The following HAUS1 variants were observed in gnomAD, a reference collection of about 807,000 sequenced individuals.
HAUS1 encodes the protein HAUS augmin like complex subunit 1.
In HAUS1, 25 loss-of-function variants were observed where a neutral mutation model predicts 38.6. The ratio of observed to expected loss-of-function variants is 0.65; its 90% confidence interval spans 0.47 to 0.91. The LOEUF (loss-of-function observed/expected upper bound fraction) is 0.91, where lower values mean the gene tolerates loss of function less well. Among genes scored for constraint, HAUS1 ranks in the 40% least tolerant of loss-of-function variants. HAUS1 has a pLI of 0.00. For synonymous variants in HAUS1, 109 were observed against 112.9 expected, an observed-to-expected ratio of 0.97 and a Z score of 0.22; for missense variants, 325 against 328.4, an observed-to-expected ratio of 0.99 and a Z score of 0.08.
intron 2 of HAUS1, among the ~76,000 whole-genome samples, chr18:46,106,305 C>T (rs1210634595): frequency 1.3e-5 from 2 of 152,024 alleles, no homozygotes; most frequent in Non-Finnish European, 2.9e-5. Flanking sequence ...ACCGTCTCTA[C>T]TAAAAATACA....
At chr18:46,119,890 A>G in intron 3 of HAUS1, 36 bp from the exon 4 acceptor site, 4 of 1,519,214 alleles carry the variant, frequency 2.6e-6, no homozygotes, top group Non-Finnish European at 3.5e-6. Flanking sequence ...ATTATTGCCC[A>G]TTAAGCCCAT....
At chr18:46,125,551 A>C in intron 7 of HAUS1, among the ~76,000 whole-genome samples, 193 bp from the exon 8 acceptor site, 1 of 142,984 alleles carries the variant, frequency 7.0e-6, no homozygotes, top group East Asian at 1.9e-4. Context: ...TGTCTCAAAA[A>C]AAAAAAAAAA....
chr18:46,111,682 C>A (rs954434376), intron 2 of HAUS1, among the ~76,000 whole-genome samples: 1 of 149,250 alleles, frequency 6.7e-6, no homozygotes, highest in Non-Finnish European at 1.5e-5. Context: ...GGTCTTGAAC[C>A]CCTGACCTCA....
chr18:46,111,088 G>C (rs1316402639), intron 2 of HAUS1, among the ~76,000 whole-genome samples: 1 of 151,832 alleles, frequency 6.6e-6, no homozygotes, highest in African/African-American at 2.4e-5. Context: ...GTGTTAGCCA[G>C]AATGGTCTTG....
rs749023062 is a variant in HAUS1 at position 46,125,714 on chromosome 18, A to G, written c.739-30A>G. 3 of 1,526,932 alleles carry G rather than the reference A, an allele frequency of 2.0e-6. No homozygotes were observed. The South Asian group carries it at 3.5e-5, about 18-fold the overall frequency. 94.6% of individuals were successfully genotyped at this position (1,526,932 alleles called of 1,614,324 possible). A position where few individuals can be genotyped will look rare whatever the true frequency, so the allele number is the denominator to read the frequency against. On this transcript the variant is annotated intron_variant, in intron 7 of 8. Transcript: ENST00000282058. ...CCTTGGGTCTGAATTGAGGCAATAT[A>G]ACCTTTCCTTGTTTTATTTTTTTTT... is the stretch of plus-strand genomic sequence containing the variant.
chr18:46,113,025 TTA>T (rs1330601227), intron 2 of HAUS1, among the ~76,000 whole-genome samples: 12 of 98,598 alleles, frequency 1.2e-4, no homozygotes, highest in African/African-American at 3.9e-4. Flanking sequence ...ATATTCCATA[TTA>T]TATATATAAT....
At chr18:46,118,611 ATGATT>A in intron 3 of HAUS1, 1 of 234,636 alleles carries the variant, frequency 4.3e-6, no homozygotes, top group Non-Finnish European at 8.2e-6. Context: ...AGTAGGCTAA[ATGATT>A]TGGTTGAGCA....
intron 7 of HAUS1, among the ~76,000 whole-genome samples, chr18:46,125,500 T>C (rs182317258): frequency 2.0e-5 from 3 of 151,174 alleles, no homozygotes; most frequent in Admixed American, 6.6e-5. Context: ...TGAGCTGAGA[T>C]TGAGCCACTG....
At position 46,111,774 on chromosome 18, in the gene HAUS1, A is replaced by G. The variant is rs555859918; in HGVS notation, c.205+6406A>G. The stretch of plus-strand genomic sequence containing the variant: ...CACCCAGCTAATTTCTTGTTATATT[A>G]TTTTCACTTCTTTCTCTTTTCTCTC... On this transcript the variant is annotated intron_variant, in intron 2 of 8. Transcript: ENST00000282058. Among the ~76,000 whole-genome samples the G allele has an allele frequency of 1.0e-4, 15 of 148,938 alleles. No individual in the cohort carries two copies. The South Asian group carries it at 3.2e-3, about 32-fold the overall frequency.
At chr18:46,107,912 T>C (rs1406549148) in intron 2 of HAUS1, among the ~76,000 whole-genome samples, 1 of 152,180 alleles carries the variant, frequency 6.6e-6, no homozygotes, top group Non-Finnish European at 1.5e-5. Flanking sequence ...CCTATTTTGC[T>C]CAGGCTGGTC....
intron 2 of HAUS1, among the ~76,000 whole-genome samples, chr18:46,106,468 C>CA (rs1158577669): frequency 0.011 from 1,192 of 105,024 alleles, 4 homozygotes; most frequent in Middle Eastern, 0.041. Context: ...GACTCCGTCT[C>CA]AAAAAAAAAA....
At chr18:46,123,904 T>C (rs1044090812) in intron 6 of HAUS1, among the ~76,000 whole-genome samples, 2 of 152,128 alleles carry the variant, frequency 1.3e-5, no homozygotes, top group East Asian at 1.9e-4. Flanking sequence ...TACATTTTTT[T>C]CCCCTTGTTT....
intron 2 of HAUS1, among the ~76,000 whole-genome samples, chr18:46,108,634 A>G (rs1003038391): frequency 1.3e-5 from 2 of 152,142 alleles, no homozygotes; most frequent in African/African-American, 4.8e-5. Flanking sequence ...CATTGTACCT[A>G]CATTTTCATT....
intron 5 of HAUS1, 43 bp downstream of exon 5, chr18:46,122,633 AT>A: frequency 1.2e-6 from 2 of 1,605,396 alleles, no homozygotes; most frequent in Non-Finnish European, 1.7e-6. Flanking sequence ...CTTCGGCCTG[AT>A]TTTTTACCAT....
intron 8 of HAUS1, chr18:46,126,638 TTTTTG>T (rs1185386955): frequency 6.6e-6 from 1 of 151,664 alleles, no homozygotes; most frequent in African/African-American, 2.4e-5. Flanking sequence ...CTTTTTTTTT[TTTTTG>T]AGACAGAATC....
At chr18:46,110,352 T>TTTTTG (rs1568262619) in intron 2 of HAUS1, among the ~76,000 whole-genome samples, 19 of 135,310 alleles carry the variant, frequency 1.4e-4, no homozygotes, top group African/African-American at 4.6e-4. Flanking sequence ...TTTTTTTTTT[T>TTTTTG]TTTTTTTTTT....
At chr18:46,127,144 A>AT (rs1485353001) in intron 8 of HAUS1, among the ~76,000 whole-genome samples, 3 of 148,994 alleles carry the variant, frequency 2.0e-5, no homozygotes, top group Non-Finnish European at 3.0e-5. Flanking sequence ...AAATTTTTGT[A>AT]TTTTTTTAGT....
At chr18:46,118,086 G>C in intron 2 of HAUS1, 95 bp from the exon 3 acceptor site, 1 of 1,154,948 alleles carries the variant, frequency 8.7e-7, no homozygotes, top group East Asian at 2.3e-5. Context: ...ACCTTAGGTG[G>C]GTGGATTATA....
intron 2 of HAUS1, among the ~76,000 whole-genome samples, chr18:46,109,001 G>A (rs1911548925): frequency 6.6e-6 from 1 of 151,164 alleles, no homozygotes. Flanking sequence ...AACCTGGGAG[G>A]TGGAGCTTGC....
Sources: gnomAD v4.1 joint callset for allele counts (sites outside exome capture counted in the v4.1 genomes callset) on GRCh38, gnomAD v4.1.1 for gene constraint, MANE v1.5 for transcripts, NCBI Gene and HGNC (gene_info 2026-07-23, HGNC 2026-07-21) for gene names.